MAPK10: variants seen among roughly 807,000 people sequenced by gnomAD.
MAPK10 encodes JNK3 alpha protein kinase.
MAPK10 carries 25 observed loss-of-function variants against 59.3 expected under a neutral mutation model. The ratio of observed to expected loss-of-function variants is 0.42; its 90% CI spans 0.31 to 0.59. The LOEUF (loss-of-function observed/expected upper bound fraction) is 0.59, where lower values mean the gene tolerates loss of function less well. Among genes scored for constraint, MAPK10 ranks in the 20% least tolerant of loss-of-function variants. The pLI, the probability that MAPK10 is intolerant of heterozygous loss-of-function variation, is 0.15. For missense variants in MAPK10, 351 were observed against 568.9 expected (o/e 0.62, Z 3.90); for synonymous variants, 190 against 200.5 (o/e 0.95, Z 0.44).
At chr4:86,153,237 T>C (rs1283855790) in intron 4 of MAPK10, among the ~76,000 whole-genome samples, 1 of 152,180 alleles carries the variant, frequency 6.6e-6, no homozygotes, top group Non-Finnish European at 1.5e-5. Flanking sequence ...TTTCTTCTAA[T>C]AGGGACATTA....
chr4:86,432,097 G>A (rs1378999368), intron 1 of MAPK10, among the ~76,000 whole-genome samples: 1 of 152,122 alleles, frequency 6.6e-6, no homozygotes, highest in Non-Finnish European at 1.5e-5. Flanking sequence ...GTAGCCCCTA[G>A]AGAAGAAAGC....
At chr4:86,543,399 C>T (rs984177732) in intron 1 of MAPK10, among the ~76,000 whole-genome samples, 3 of 152,186 alleles carry the variant, frequency 2.0e-5, no homozygotes, top group African/African-American at 7.2e-5. Flanking sequence ...AAAATCCTCC[C>T]TGGCTTGTTG....
At chr4:86,336,305 G>T (rs1721332855) in intron 2 of MAPK10, 1 of 152,134 alleles carries the variant, frequency 6.6e-6, no homozygotes, top group Admixed American at 6.5e-5. Flanking sequence ...ACTAACTCCA[G>T]AACTTGGTCT....
At chr4:86,300,767 C>T (rs1021005843) in intron 2 of MAPK10, 3 of 151,864 alleles carry the variant, frequency 2.0e-5, no homozygotes, top group South Asian at 2.1e-4. Context: ...GTGGGGCTAC[C>T]GGCAAGATAA....
intron 4 of MAPK10, chr4:86,117,534 C>G (rs1176158989): frequency 6.6e-6 from 1 of 152,120 alleles, no homozygotes; most frequent in Admixed American, 6.5e-5. Context: ...TACTGAACTT[C>G]CATCTGACTC....
At chr4:86,280,729 T>C (rs1465700594) in intron 2 of MAPK10, among the ~76,000 whole-genome samples, 1 of 152,058 alleles carries the variant, frequency 6.6e-6, no homozygotes, top group Non-Finnish European at 1.5e-5. Flanking sequence ...AAAGAAAATG[T>C]GGCACATATA....
chr4:86,489,120 C>T (rs1454382593), intron 1 of MAPK10, among the ~76,000 whole-genome samples: 2 of 152,116 alleles, frequency 1.3e-5, no homozygotes, highest in East Asian at 3.9e-4. Flanking sequence ...CCAGCCAACC[C>T]CTAGCTGACC....
intron 13 of MAPK10, chr4:86,024,615 TATTCGA>T (rs1749255032): frequency 1.3e-5 from 2 of 152,206 alleles, no homozygotes; most frequent in African/African-American, 2.4e-5. Context: ...ACAGAGTAAG[TATTCGA>T]GTTAACAAAA....
At chr4:86,122,310 T>A (rs904700833) in intron 4 of MAPK10, among the ~76,000 whole-genome samples, 3 of 152,262 alleles carry the variant, frequency 2.0e-5, no homozygotes, top group South Asian at 4.2e-4. Context: ...GATAGTATTA[T>A]ATTTTGGCTC....
chr4:86,374,217 T>C (rs923478324), intron 1 of MAPK10, among the ~76,000 whole-genome samples: 1 of 151,678 alleles, frequency 6.6e-6, no homozygotes, highest in Non-Finnish European at 1.5e-5. Context: ...TGAGAATACA[T>C]GGACACAGGG....
At chr4:86,317,300 G>T (rs891531983) in intron 2 of MAPK10, among the ~76,000 whole-genome samples, 1 of 152,092 alleles carries the variant, frequency 6.6e-6, no homozygotes, top group African/African-American at 2.4e-5. Context: ...TGCATCTGAG[G>T]TTCCTTCTCA....
chr4:86,026,276 C>G (rs1347357799), intron 13 of MAPK10, among the ~76,000 whole-genome samples: 1 of 152,132 alleles, frequency 6.6e-6, no homozygotes, highest in Non-Finnish European at 1.5e-5. Flanking sequence ...TGTATTTTTT[C>G]TAGTTCTAAC....
Position 86,297,314 on chromosome 4 carries a change from T to G in MAPK10, c.-7+57216A>C, listed in dbSNP as rs142498022. 9.5e-3 allele frequency among the ~76,000 whole-genome samples: 1,444 copies of G among 152,198 alleles called. 21 individuals are homozygous for G. The highest frequency in any genetic ancestry group is 0.032 in the African/African-American group (1,345 of 41,516). ...ATAGAGTTTTTGTTTGTTTGTTTGT[T>G]TTTGTTTTTGTTTTAGACAGAGTCT... On this transcript the variant is annotated intron_variant, in intron 2 of 13. Coordinates refer to ENST00000641462, the MANE Select transcript of MAPK10 (RefSeq NM_138982.4).
At chr4:86,526,253 G>T (rs1202624584) in intron 1 of MAPK10, among the ~76,000 whole-genome samples, 2 of 152,048 alleles carry the variant, frequency 1.3e-5, no homozygotes, top group African/African-American at 2.4e-5. Flanking sequence ...ACTTGATATT[G>T]GTCTCTTCAG....
At chr4:86,190,689 A>G (rs548735922) in intron 3 of MAPK10, among the ~76,000 whole-genome samples, 6 of 152,102 alleles carry the variant, frequency 3.9e-5, no homozygotes, top group Non-Finnish European at 7.4e-5. Flanking sequence ...ACCTTTTCAA[A>G]AAAACCAGCT....
intron 1 of MAPK10, among the ~76,000 whole-genome samples, chr4:86,366,343 C>T (rs926299649): frequency 3.9e-5 from 6 of 152,080 alleles, no homozygotes; most frequent in Non-Finnish European, 8.8e-5. Flanking sequence ...TGGGTATATG[C>T]ATTCGTCAAA....
intron 1 of MAPK10, among the ~76,000 whole-genome samples, chr4:86,586,456 T>C (rs979317775): frequency 3.3e-5 from 5 of 152,202 alleles, no homozygotes; most frequent in Non-Finnish European, 7.3e-5. Context: ...TACTTCCCCT[T>C]CGTTAATTTG....
intron 1 of MAPK10, among the ~76,000 whole-genome samples, chr4:86,355,663 C>T (rs566893914): frequency 2.7e-4 from 41 of 152,078 alleles, no homozygotes; most frequent in Non-Finnish European, 4.9e-4. Flanking sequence ...TTTGGTGTGT[C>T]CCTATTGTGT....
At chr4:86,060,113 G>A (rs958269701) in intron 11 of MAPK10, among the ~76,000 whole-genome samples, 3 of 152,098 alleles carry the variant, frequency 2.0e-5, no homozygotes, top group Non-Finnish European at 2.9e-5. Flanking sequence ...TGGCCTCAAC[G>A]CCTGTCCCAT....
Sources: gnomAD v4.1 joint callset for allele counts (sites outside exome capture counted in the v4.1 genomes callset) on GRCh38, gnomAD v4.1.1 for gene constraint, MANE v1.5 for transcripts, NCBI Gene and HGNC (gene_info 2026-07-23, HGNC 2026-07-21) for gene names.